BBS2: variants seen among roughly 807,000 people sequenced by gnomAD.
BBS2 encodes the protein Bardet-Biedl syndrome 2.
A neutral mutation model predicts 83.0 loss-of-function variants in BBS2; 62 were observed. That is an observed-to-expected ratio of 0.75 (90% CI 0.61 to 0.92). The LOEUF (loss-of-function observed/expected upper bound fraction) is 0.92. Among genes scored for constraint, BBS2 ranks in the 40% least tolerant of loss-of-function variants. BBS2 has a pLI of 0.00. For missense variants in BBS2, 784 were observed against 901.0 expected (o/e 0.87, Z 1.66); for synonymous variants, 303 against 326.1 (o/e 0.93, Z 0.76).
At chr16:56,510,165 T>C (rs1259399375) in intron 4 of BBS2, 131 bp from the exon 5 acceptor site, 8 of 762,420 alleles carry the variant, frequency 1.0e-5, no homozygotes, top group Middle Eastern at 3.3e-4. Flanking sequence ...TCATAATCGT[T>C]TGATGCTCAG....
chr16:56,498,572 G>C lies in BBS2; in HGVS notation c.1528-4C>G. 1 of 1,613,766 alleles carries C rather than the reference G, an allele frequency of 6.2e-7. No homozygotes were observed. On this transcript the variant is annotated splice_region_variant and splice_polypyrimidine_tract_variant and intron_variant, in intron 12 of 16. Coordinates refer to ENST00000245157, the MANE Select transcript of BBS2 (RefSeq NM_031885.5). ...TCTGACCGAGCCATACAACAACCTT[G>C]AAAATGAACACAATGAAATGACCTC...
intron 9 of BBS2, 190 bp from the exon 10 acceptor site, chr16:56,501,687 G>A (rs1964280131): frequency 2.7e-6 from 2 of 733,328 alleles, no homozygotes; most frequent in South Asian, 1.8e-5. Flanking sequence ...GGCCCTGTGG[G>A]AAAATACCCT....
chr16:56,472,250 G>A (rs1185304535), intron 17 of BBS2, among the ~76,000 whole-genome samples: 1 of 151,970 alleles, frequency 6.6e-6, no homozygotes, highest in Non-Finnish European at 1.5e-5. Context: ...GATTACAAGC[G>A]TGACCAATCA....
At chr16:56,506,965 A>T (rs1964437570) in intron 5 of BBS2, among the ~76,000 whole-genome samples, 1 of 152,206 alleles carries the variant, frequency 6.6e-6, no homozygotes, top group Non-Finnish European at 1.5e-5. Context: ...TCCTAATACA[A>T]GAGATATTAA....
chr16:56,506,089 G>A (rs368929265), intron 6 of BBS2, 31 bp downstream of exon 6: 92 of 1,608,040 alleles, frequency 5.7e-5, no homozygotes, highest in Non-Finnish European at 7.1e-5. Context: ...ACTATCAAGC[G>A]CCTGAATATC....
At chr16:56,475,320 T>G (rs1202074308) in intron 17 of BBS2, among the ~76,000 whole-genome samples, 1 of 152,182 alleles carries the variant, frequency 6.6e-6, no homozygotes, top group Admixed American at 6.5e-5. Context: ...CTCAGGAAAT[T>G]AGGCATTTAG....
chr16:56,511,129 G>C (rs1196284410), intron 3 of BBS2, 30 bp downstream of exon 3: 2 of 1,613,474 alleles, frequency 1.2e-6, no homozygotes, highest in African/African-American at 1.3e-5. Flanking sequence ...ATGCTTAAGG[G>C]TACCAAAAAG....
At chr16:56,489,947 G>A (rs1963893164) in intron 15 of BBS2, among the ~76,000 whole-genome samples, 1 of 151,834 alleles carries the variant, frequency 6.6e-6, no homozygotes, top group African/African-American at 2.4e-5. Context: ...AACAGAGCGA[G>A]ACCCTGGGTC....
chr16:56,505,711 C>T (rs1322425468), intron 7 of BBS2, among the ~76,000 whole-genome samples: 1 of 152,212 alleles, frequency 6.6e-6, no homozygotes, highest in Admixed American at 6.5e-5. Context: ...GAGATTTAGA[C>T]AGAATCTCCC....
intron 17 of BBS2, chr16:56,478,599 T>C (rs1339990182): frequency 6.6e-6 from 1 of 152,206 alleles, no homozygotes; most frequent in Non-Finnish European, 1.5e-5. Flanking sequence ...GAAACTGTCA[T>C]GTGTGCCAAG....
At position 56,502,748 on chromosome 16, in the gene BBS2, T is replaced by A. The variant is rs150384293; in HGVS notation, c.865A>T (p.Ile289Phe). 7 of 1,614,146 alleles carry A rather than the reference T, an allele frequency of 4.3e-6. No individual in the cohort carries two copies. The highest frequency in any genetic ancestry group is 5.9e-6 in the Non-Finnish European group (7 of 1,180,016). ...TAATCTCCCTCTACCACACCGGCAA[T>A]TGCAGAAGAAAAATTGTCCTTAAAG... ...VIFKDNFSSA[I>F]AGVVEGDYRM... Residue 289 changes from isoleucine to phenylalanine, a missense_variant, in exon 8 of 17, where the codon ATT becomes TTT. Coordinates refer to ENST00000245157, the MANE Select transcript of BBS2 (RefSeq NM_031885.5).
chr16:56,499,222 C>T (rs1272344614), intron 12 of BBS2: 2 of 172,692 alleles, frequency 1.2e-5, no homozygotes, highest in Admixed American at 5.6e-5. Flanking sequence ...AATTCCAAAG[C>T]CCAGCCAAGG....
intron 17 of BBS2, chr16:56,478,951 T>C (rs965947376): frequency 6.6e-6 from 1 of 152,224 alleles, no homozygotes; most frequent in Non-Finnish European, 1.5e-5. Context: ...GATAGTGAAG[T>C]TTGTTTTCCT....
intron 17 of BBS2, among the ~76,000 whole-genome samples, chr16:56,475,209 AT>A (rs1335721057): frequency 1.3e-5 from 2 of 152,250 alleles, no homozygotes; most frequent in East Asian, 3.9e-4. Flanking sequence ...AGATCTATAG[AT>A]TTTATGTAAT....
At chr16:56,510,148 GACA>G in intron 4 of BBS2, 114 bp from the exon 5 acceptor site, 1 of 845,998 alleles carries the variant, frequency 1.2e-6, no homozygotes. Flanking sequence ...ACCCAAGATT[GACA>G]ACCTCATAAT....
chr16:56,511,058 A>G (rs542130802), intron 3 of BBS2, 101 bp downstream of exon 3: 3 of 1,579,032 alleles, frequency 1.9e-6, no homozygotes, highest in Non-Finnish European at 2.6e-6. Flanking sequence ...TTTAATGCAC[A>G]GAATTATAAA....
rs747499112 is a variant in BBS2, at chr16:56,510,956, C to T, written c.472-35G>A. On this transcript the variant is annotated intron_variant, in intron 3 of 16. Coordinates refer to ENST00000245157, the MANE Select transcript of BBS2 (RefSeq NM_031885.5). ...AAACCCCAAACCATTAGCATGCCAT[C>T]GTTTCTCCATTTACTCCAAATATAT... 13 of 1,608,908 alleles carry T rather than the reference C, an allele frequency of 8.1e-6. No homozygotes were observed. The East Asian group carries it at 8.9e-5, about 11-fold the overall frequency.
intron 7 of BBS2, 44 bp downstream of exon 7, chr16:56,505,906 A>G (rs1306565577): frequency 6.8e-7 from 1 of 1,466,574 alleles, no homozygotes; most frequent in East Asian, 2.3e-5. Flanking sequence ...ACCTTGGACA[A>G]TTACTACTCT....
intron 4 of BBS2, 147 bp downstream of exon 4, chr16:56,510,712 C>T (rs536114522): frequency 7.9e-5 from 62 of 785,150 alleles, no homozygotes; most frequent in South Asian, 7.6e-4. Context: ...AAGAGAAAGA[C>T]GAATGGGGCC....
Sources: allele counts gnomAD v4.1 joint callset (sites outside exome capture counted in the v4.1 genomes callset), GRCh38; gene constraint gnomAD v4.1.1; transcripts MANE v1.5; gene names NCBI Gene and HGNC (gene_info 2026-07-23, HGNC 2026-07-21).